CELF2: variants seen among roughly 807,000 people sequenced by gnomAD.
The protein encoded by CELF2 is CUGBP Elav-like family member 2, also known as CUG triplet repeat RNA-binding protein 2.
In CELF2, 8 loss-of-function variants were observed where a neutral mutation model predicts 62.6. The observed-to-expected ratio is 0.13, with a 90% confidence interval of 0.07 to 0.23. The LOEUF (loss-of-function observed/expected upper bound fraction) is 0.23, where lower values mean the gene tolerates loss of function less well. Among genes scored for constraint, CELF2 ranks in the 10% least tolerant of loss-of-function variants. CELF2 has a pLI of 1.00. For synonymous variants in CELF2, 258 were observed against 250.0 expected (o/e 1.03, Z -0.30); for missense variants, 333 against 671.0 (o/e 0.50, Z 5.56).
At chr10:10,603,204 G>C in the CELF2 span, among the ~76,000 whole-genome samples, 1 of 152,000 alleles carries the variant, frequency 6.6e-6, no homozygotes, top group Admixed American at 6.6e-5. Flanking sequence ...GTACTGCTCT[G>C]TCGGATAGAG....
chr10:10,558,263 A>G, the CELF2 span, among the ~76,000 whole-genome samples: 4 of 152,014 alleles, frequency 2.6e-5, no homozygotes, highest in African/African-American at 9.7e-5. Context: ...GAATTTTGTC[A>G]AAGGCTTTTT....
At chr10:10,613,838 A>C in the CELF2 span, among the ~76,000 whole-genome samples, 7 of 152,172 alleles carry the variant, frequency 4.6e-5, no homozygotes, top group African/African-American at 1.7e-4. Flanking sequence ...AATAGAAACG[A>C]TTCTTTGGAG....
the CELF2 span, among the ~76,000 whole-genome samples, chr10:10,573,589 T>C: frequency 0.096 from 14,557 of 152,222 alleles, 818 homozygotes; most frequent in Non-Finnish European, 0.13. Flanking sequence ...GAGCAGGAAA[T>C]AGATCTTGTG....
chr10:10,552,130 G>A, the CELF2 span, among the ~76,000 whole-genome samples: 1 of 152,136 alleles, frequency 6.6e-6, no homozygotes, highest in South Asian at 2.1e-4. Flanking sequence ...GGCTTTTGTT[G>A]TTCTTGTTGA....
intron 1 of CELF2, among the ~76,000 whole-genome samples, chr10:10,811,783 T>A (rs1051390890): frequency 6.6e-6 from 1 of 152,166 alleles, no homozygotes; most frequent in Non-Finnish European, 1.5e-5. Flanking sequence ...AAACTACGTC[T>A]TCAAATGTGT....
At chr10:11,230,873 C>A (rs2068392605) in intron 3 of CELF2, among the ~76,000 whole-genome samples, 1 of 152,214 alleles carries the variant, frequency 6.6e-6, no homozygotes, top group East Asian at 1.9e-4. Context: ...CAGCTCATTT[C>A]CACCTTGCAG....
the CELF2 span, among the ~76,000 whole-genome samples, chr10:10,588,399 G>A: frequency 1.3e-5 from 2 of 152,108 alleles, no homozygotes; most frequent in East Asian, 3.9e-4. Flanking sequence ...TACTCCTCTG[G>A]GCCTCAGATG....
At chr10:10,587,682 G>A in the CELF2 span, among the ~76,000 whole-genome samples, 4 of 152,114 alleles carry the variant, frequency 2.6e-5, no homozygotes, top group African/African-American at 7.2e-5. Context: ...CCTAGGAGCA[G>A]GAAATACCAA....
the CELF2 span, among the ~76,000 whole-genome samples, chr10:10,529,862 C>A: frequency 1.3e-5 from 2 of 152,124 alleles, no homozygotes; most frequent in Non-Finnish European, 2.9e-5. Context: ...TGGCTATGAA[C>A]AGACTCCAAG....
At chr10:10,496,553 A>G in the CELF2 span, among the ~76,000 whole-genome samples, 1 of 152,198 alleles carries the variant, frequency 6.6e-6, no homozygotes, top group South Asian at 2.1e-4. Context: ...GCATGCATGG[A>G]TGAAAAGATG....
At chr10:11,089,330 G>A (rs1011626174) in intron 1 of CELF2, among the ~76,000 whole-genome samples, 1 of 152,210 alleles carries the variant, frequency 6.6e-6, no homozygotes, top group South Asian at 2.1e-4. Flanking sequence ...GGTGCGCATA[G>A]GATTTTGAAG....
chr10:11,048,919 G>A (rs2063352290), intron 1 of CELF2, among the ~76,000 whole-genome samples: 1 of 152,186 alleles, frequency 6.6e-6, no homozygotes. Context: ...CATTGGAATT[G>A]TCAGGGAAAC....
chr10:11,295,493 G>T (rs527325730), intron 9 of CELF2, among the ~76,000 whole-genome samples: 1 of 152,346 alleles, frequency 6.6e-6, no homozygotes, highest in African/African-American at 2.4e-5. Flanking sequence ...GACCAAGAGT[G>T]GGAGAGGGAA....
At chr10:10,639,229 G>C in the CELF2 span, among the ~76,000 whole-genome samples, 7 of 152,308 alleles carry the variant, frequency 4.6e-5, no homozygotes, top group East Asian at 3.9e-4. Context: ...TAAGTGTCTT[G>C]AGTATTTTTA....
chr10:10,745,926 T>C, the CELF2 span, among the ~76,000 whole-genome samples: 1 of 152,214 alleles, frequency 6.6e-6, no homozygotes, highest in Admixed American at 6.5e-5. Flanking sequence ...TTGATATTAT[T>C]TCCTGCCTGT....
rs114896378 is a variant in CELF2, at chr10:11,305,093, G to C, written c.977-9046G>C. Among the ~76,000 whole-genome samples the C allele has an allele frequency of 0.015, 2,315 of 152,266 alleles. 66 individuals carry two copies. Among genetic ancestry groups the C allele is most frequent in the African/African-American group, 0.053 (2,215 of 41,550 alleles). ...TCCAGCCCTGGCCCAGTGGATACAG[G>C]TCCTTCCCAGTTCTACCAGTCTGAT... is the stretch of plus-strand genomic sequence containing the variant. On this transcript the variant is annotated intron_variant, in intron 9 of 12. Coordinates refer to ENST00000633077, the MANE Select transcript of CELF2 (RefSeq NM_001326342.2). The surrounding 1 kb of genome is among the most constrained non-coding windows in gnomAD (Gnocchi z 4.8).
chr10:11,107,025 A>G (rs950141319), intron 1 of CELF2, among the ~76,000 whole-genome samples: 2 of 152,238 alleles, frequency 1.3e-5, no homozygotes, highest in African/African-American at 2.4e-5. Flanking sequence ...CCTTCCAGAC[A>G]TCCCACTTGA....
chr10:10,497,206 GA>G, the CELF2 span, among the ~76,000 whole-genome samples: 3 of 122,276 alleles, frequency 2.5e-5, no homozygotes, highest in Admixed American at 9.6e-5. Flanking sequence ...AAAAAAAAAA[GA>G]TAAAAAGAAA....
At chr10:11,183,796 C>T (rs927931270) in intron 2 of CELF2, among the ~76,000 whole-genome samples, 3 of 152,120 alleles carry the variant, frequency 2.0e-5, no homozygotes, top group Admixed American at 6.5e-5. Flanking sequence ...TTGTTGAGTT[C>T]TGAGAGTTCT....
Sources: allele counts gnomAD v4.1 joint callset (sites outside exome capture counted in the v4.1 genomes callset), GRCh38; gene constraint gnomAD v4.1.1; non-coding constraint Gnocchi (gnomAD v3.1); transcripts MANE v1.5; gene names NCBI Gene and HGNC (gene_info 2026-07-23, HGNC 2026-07-21).